The following TANC2 variants were observed in gnomAD, a reference collection of about 807,000 sequenced individuals.
TANC2 encodes protein TANC2.
In TANC2, 26 loss-of-function variants were observed where a neutral mutation model predicts 210.5. That is an observed-to-expected ratio of 0.12 (90% CI 0.09 to 0.17). The LOEUF (loss-of-function observed/expected upper bound fraction) is 0.17. TANC2 is among the 10% of genes least tolerant of loss of function. TANC2 has a pLI of 1.00. For missense variants in TANC2, 2,129 were observed against 2,608.9 expected (o/e 0.82, Z 4.01); for synonymous variants, 931 against 967.1 (o/e 0.96, Z 0.69).
rs555802246 is a variant in TANC2, at chr17:63,404,791, G to GT, written c.3332-328dup. ...TTCCACCCACACGTAGACTAACAGA[G>GT]TTTGTAGCTAGGAAGAGGTACCAAA... On this transcript the variant is annotated intron_variant, in intron 19 of 27. Transcript: ENST00000689528. 1.2e-3 allele frequency among the ~76,000 whole-genome samples: 186 copies of GT among 152,274 alleles called. 1 individual carries two copies. The highest frequency in any genetic ancestry group is 4.3e-3 in the African/African-American group (178 of 41,550).
At chr17:63,189,536 T>C (rs745819614) in intron 5 of TANC2, among the ~76,000 whole-genome samples, 5 of 152,242 alleles carry the variant, frequency 3.3e-5, no homozygotes, top group Non-Finnish European at 7.3e-5. Flanking sequence ...CATGTACTTA[T>C]TGACCATTTG....
At chr17:63,232,662 C>T (rs529078277) in intron 7 of TANC2, among the ~76,000 whole-genome samples, 42 of 152,332 alleles carry the variant, frequency 2.8e-4, no homozygotes, top group African/African-American at 8.2e-4. Flanking sequence ...GGCACTGACC[C>T]GATGTCAGCG....
chr17:63,205,753 A>G (rs544864274), intron 7 of TANC2, among the ~76,000 whole-genome samples: 12 of 152,136 alleles, frequency 7.9e-5, no homozygotes, highest in Non-Finnish European at 1.3e-4. Flanking sequence ...CCCCATCTCT[A>G]CTAAAGATAT....
chr17:63,380,135 A>G (rs756325910), intron 15 of TANC2, among the ~76,000 whole-genome samples: 88 of 152,220 alleles, frequency 5.8e-4, no homozygotes, highest in Non-Finnish European at 1.2e-3. Context: ...TATTGTAGCA[A>G]TTAGTTGCAG....
intron 4 of TANC2, chr17:63,149,249 A>G (rs964969600): frequency 6.6e-6 from 1 of 152,056 alleles, no homozygotes; most frequent in South Asian, 2.1e-4. Context: ...TTAACACCAT[A>G]TAGTCCATAC....
chr17:63,402,889 C>G (rs2048385278), intron 19 of TANC2, among the ~76,000 whole-genome samples: 1 of 152,196 alleles, frequency 6.6e-6, no homozygotes, highest in South Asian at 2.1e-4. Context: ...CCATACAACT[C>G]CTTGCTCTTG....
intron 1 of TANC2, 103 bp from the exon 2 acceptor site, chr17:63,009,434 C>G (rs992671342): frequency 2.8e-6 from 2 of 705,082 alleles, no homozygotes; most frequent in Non-Finnish European, 4.7e-6. Context: ...CCAGTTGTAC[C>G]CTTTAAGTTA....
At chr17:63,216,133 CCA>C (rs2042020636) in intron 7 of TANC2, among the ~76,000 whole-genome samples, 1 of 152,146 alleles carries the variant, frequency 6.6e-6, no homozygotes, top group South Asian at 2.1e-4. Context: ...ACTGCAGCCT[CCA>C]CCTGCTGGGT....
chr17:63,068,585 G>T (rs2036286046), intron 2 of TANC2, among the ~76,000 whole-genome samples: 1 of 152,100 alleles, frequency 6.6e-6, no homozygotes, highest in Non-Finnish European at 1.5e-5. Flanking sequence ...AGATACAATT[G>T]ATATATTCAT....
intron 3 of TANC2, among the ~76,000 whole-genome samples, chr17:63,092,108 G>C (rs897944399): frequency 6.6e-6 from 1 of 152,072 alleles, no homozygotes; most frequent in Non-Finnish European, 1.5e-5. Context: ...AGATTCTGTT[G>C]CATGTATATG....
chr17:63,405,601 A>G (rs761625308), intron 20 of TANC2, among the ~76,000 whole-genome samples: 4 of 152,240 alleles, frequency 2.6e-5, no homozygotes, highest in Non-Finnish European at 5.9e-5. Context: ...ACTTACTAAA[A>G]GAAAATACAG....
chr17:63,053,558 G>A (rs2035659943), intron 2 of TANC2, among the ~76,000 whole-genome samples: 1 of 151,950 alleles, frequency 6.6e-6, no homozygotes, highest in Non-Finnish European at 1.5e-5. Context: ...CTCTCTTTTT[G>A]TGTCTCATTC....
At chr17:63,218,908 A>T (rs575781090) in intron 7 of TANC2, among the ~76,000 whole-genome samples, 59 of 152,326 alleles carry the variant, frequency 3.9e-4, no homozygotes, top group African/African-American at 1.3e-3. Flanking sequence ...AAAGAAAAAA[A>T]AATAGTAAGT....
intron 8 of TANC2, among the ~76,000 whole-genome samples, chr17:63,249,966 C>T (rs778805736): frequency 6.6e-6 from 1 of 152,140 alleles, no homozygotes; most frequent in Non-Finnish European, 1.5e-5. Flanking sequence ...TACCAAATGT[C>T]TGTTAGATTT....
At chr17:63,277,983 G>GC (rs1010209478) in intron 9 of TANC2, among the ~76,000 whole-genome samples, 2 of 152,034 alleles carry the variant, frequency 1.3e-5, no homozygotes, top group African/African-American at 4.8e-5. Context: ...ACCAGCCTGG[G>GC]CAACATAGTG....
chr17:63,385,516 G>C (rs896345472), intron 15 of TANC2, among the ~76,000 whole-genome samples: 1 of 152,214 alleles, frequency 6.6e-6, no homozygotes, highest in African/African-American at 2.4e-5. Context: ...ATAACAATCA[G>C]AACTACTTAG....
At chr17:63,106,967 C>G (rs1338394959) in intron 4 of TANC2, among the ~76,000 whole-genome samples, 1 of 151,310 alleles carries the variant, frequency 6.6e-6, no homozygotes, top group Non-Finnish European at 1.5e-5. Flanking sequence ...GTCTTCCTAC[C>G]TCTATTCAGC....
intron 11 of TANC2, among the ~76,000 whole-genome samples, chr17:63,331,014 T>G (rs1413858874): frequency 1.3e-5 from 2 of 152,144 alleles, no homozygotes; most frequent in African/African-American, 4.8e-5. Flanking sequence ...AGGCAGAGGT[T>G]GCAGTGAGCC....
intron 21 of TANC2, among the ~76,000 whole-genome samples, chr17:63,411,242 A>T (rs2048693994): frequency 6.6e-6 from 1 of 152,210 alleles, no homozygotes; most frequent in South Asian, 2.1e-4. Flanking sequence ...CTCACAGGGG[A>T]ATAATAAAAC....
Sources: gnomAD v4.1 joint callset for allele counts (sites outside exome capture counted in the v4.1 genomes callset) on GRCh38, gnomAD v4.1.1 for gene constraint, MANE v1.5 for transcripts, NCBI Gene and HGNC (gene_info 2026-07-23, HGNC 2026-07-21) for gene names.